The following LIMK2 variants were observed in gnomAD, a reference collection of about 807,000 sequenced individuals.
LIMK2 encodes the protein LIM domain kinase 2.
A neutral mutation model predicts 75.7 loss-of-function variants in LIMK2; 35 were observed. The ratio of observed to expected loss-of-function variants is 0.46; its 90% CI spans 0.35 to 0.61. LIMK2 has a LOEUF of 0.61. Among genes scored for constraint, LIMK2 ranks in the 20% least tolerant of loss-of-function variants. The probability of loss-of-function intolerance (pLI) is 0.00; values close to 1 mark genes in which losing one functional copy is unlikely to be tolerated. For missense variants in LIMK2, 623 were observed against 831.0 expected, an observed-to-expected ratio of 0.75 and a Z score of 3.08; for synonymous variants, 301 against 319.2, an observed-to-expected ratio of 0.94 and a Z score of 0.61.
Position 31,262,265 on chromosome 22 carries a change from G to C in LIMK2, c.657+26G>C, listed in dbSNP as rs1195351333. On this transcript the variant is annotated intron_variant, in intron 6 of 15. Transcript: ENST00000331728. This position sits in a 1 kb window ranked among gnomAD's most constrained non-coding sequence, Gnocchi z 5.0. Reference sequence around the variant, plus strand: ...GTAGAGTGTGTGTCTAATCTGTCTTGTGAGGGTGGGACATGGAACAGATCC... The same window carrying C: ...GTAGAGTGTGTGTCTAATCTGTCTTCTGAGGGTGGGACATGGAACAGATCC... The C allele has an allele frequency of 9.2e-6, 14 of 1,528,168 alleles. No homozygotes were observed. The highest frequency in any genetic ancestry group is 1.3e-5 in the Non-Finnish European group (14 of 1,101,508). The allele number at this position is 1,528,168 out of a possible 1,614,324, so 94.7% of individuals were successfully genotyped here. A position where few individuals can be genotyped will look rare whatever the true frequency, so the allele number is the denominator to read the frequency against.
chr22:31,244,186 T>TC (rs1705170040), intron 2 of LIMK2, among the ~76,000 whole-genome samples: 1 of 152,196 alleles, frequency 6.6e-6, no homozygotes, highest in African/African-American at 2.4e-5. Flanking sequence ...ACTGAGCCCG[T>TC]CGCCGCTGGA....
chr22:31,256,449 T>C (rs1438751675), intron 2 of LIMK2, among the ~76,000 whole-genome samples: 1 of 150,982 alleles, frequency 6.6e-6, no homozygotes, highest in Non-Finnish European at 1.5e-5. Context: ...CCAGTGATTC[T>C]CCTGCCTCAG....
intron 2 of LIMK2, among the ~76,000 whole-genome samples, chr22:31,236,270 G>A (rs941962743): frequency 6.7e-6 from 1 of 149,650 alleles, no homozygotes; most frequent in Non-Finnish European, 1.5e-5. Flanking sequence ...CTCCAGCCTG[G>A]GTGACAAGAG....
rs957589190 is a variant in LIMK2, at chr22:31,246,576, A to G, written c.117-11715A>G. 2.6e-5 allele frequency among the ~76,000 whole-genome samples: 4 copies of G among 152,014 alleles called. No homozygotes were observed. The East Asian group carries it at 5.8e-4, about 22-fold the overall frequency. ...GTGCCTTGACCTGTGCTCTAGAGCC[A>G]TATGTACCAGGTTTGAAACTCAGCC... On this transcript the variant is annotated intron_variant, in intron 2 of 15. Coordinates refer to ENST00000331728, the MANE Select transcript of LIMK2 (RefSeq NM_005569.4).
chr22:31,247,549 T>C (rs2048682472), intron 2 of LIMK2, among the ~76,000 whole-genome samples: 1 of 152,218 alleles, frequency 6.6e-6, no homozygotes, highest in Admixed American at 6.5e-5. Flanking sequence ...CCATCCTATT[T>C]GCAGAGAGCT....
intron 1 of LIMK2, chr22:31,222,921 G>C (rs1205004893): frequency 6.6e-6 from 1 of 152,006 alleles, no homozygotes; most frequent in Non-Finnish European, 1.5e-5. Flanking sequence ...TGAGGGAGAG[G>C]GGTGCTGTAA....
intron 2 of LIMK2, among the ~76,000 whole-genome samples, chr22:31,243,865 G>T (rs991843176): frequency 6.6e-6 from 1 of 152,216 alleles, no homozygotes; most frequent in African/African-American, 2.4e-5. Flanking sequence ...TGGGCCCTTT[G>T]AAGTTGGCTC....
intron 11 of LIMK2, among the ~76,000 whole-genome samples, chr22:31,269,805 T>C (rs1198772645): frequency 6.7e-6 from 1 of 149,616 alleles, no homozygotes; most frequent in Non-Finnish European, 1.5e-5. Flanking sequence ...CTGATATGGT[T>C]AGTACATTGG....
At chr22:31,221,484 A>G (rs2048433579) in intron 1 of LIMK2, among the ~76,000 whole-genome samples, 1 of 151,998 alleles carries the variant, frequency 6.6e-6, no homozygotes, top group Non-Finnish European at 1.5e-5. Context: ...ATAAATAATA[A>G]TAATAATTAT....
At chr22:31,242,641 T>G (rs1369064806) in intron 2 of LIMK2, among the ~76,000 whole-genome samples, 1 of 152,248 alleles carries the variant, frequency 6.6e-6, no homozygotes, top group Non-Finnish European at 1.5e-5. Flanking sequence ...ATTCCTAGTT[T>G]CAAGTTCATG....
rs370509629 is a variant in LIMK2 at position 31,267,113 on chromosome 22, G to A, written c.1128+43G>A. On this transcript the variant is annotated intron_variant, in intron 9 of 15. Transcript: ENST00000331728. ...GCCCGGGAGGTTGGTGTCACCATTG[G>A]AAGAGAGAAGACCTTACAAATAATG... is the stretch of plus-strand genomic sequence containing the variant. 66 of 1,078,524 alleles carry A rather than the reference G, an allele frequency of 6.1e-5. No homozygotes were observed. The African/African-American group carries it at 9.1e-4, about 15-fold the overall frequency. The allele number at this position is 1,078,524 out of a possible 1,614,324, so 66.8% of individuals were successfully genotyped here.
chr22:31,276,866 C>T, intron 15 of LIMK2: 2 of 1,612,374 alleles, frequency 1.2e-6, no homozygotes, highest in Non-Finnish European at 1.7e-6. Context: ...GGGAAGGTCA[C>T]CATCAAGTAT....
At chr22:31,244,836 A>C (rs1013789531) in intron 2 of LIMK2, among the ~76,000 whole-genome samples, 14 of 152,208 alleles carry the variant, frequency 9.2e-5, no homozygotes, top group Admixed American at 8.5e-4. Context: ...AAACCCAGAC[A>C]GTCTGGCTCT....
At chr22:31,275,957 T>C (rs761829169) in intron 15 of LIMK2, among the ~76,000 whole-genome samples, 2 of 152,148 alleles carry the variant, frequency 1.3e-5, no homozygotes, top group Non-Finnish European at 2.9e-5. Flanking sequence ...AGAATCTGGC[T>C]GGGCGCGATG....
At chr22:31,253,954 A>G (rs2048751550) in intron 2 of LIMK2, among the ~76,000 whole-genome samples, 1 of 152,236 alleles carries the variant, frequency 6.6e-6, no homozygotes. Context: ...TTCTGTGGCA[A>G]AACACAGCTT....
At chr22:31,274,320 G>A (rs2123866422) in intron 14 of LIMK2, among the ~76,000 whole-genome samples, 1 of 152,278 alleles carries the variant, frequency 6.6e-6, no homozygotes, top group African/African-American at 2.4e-5. Flanking sequence ...CACATTCAAA[G>A]CCTTCTGTAA....
intron 7 of LIMK2, among the ~76,000 whole-genome samples, chr22:31,263,676 C>T (rs758371510): frequency 1.1e-4 from 16 of 144,272 alleles, no homozygotes; most frequent in Admixed American, 2.0e-4. Flanking sequence ...ACTGTCTCTA[C>T]AAAAAAAAAA....
At chr22:31,221,673 C>G (rs2048435925) in intron 1 of LIMK2, among the ~76,000 whole-genome samples, 1 of 151,890 alleles carries the variant, frequency 6.6e-6, no homozygotes, top group Admixed American at 6.6e-5. Context: ...GTAGTAGAGA[C>G]AAGGTTTCAC....
intron 15 of LIMK2, among the ~76,000 whole-genome samples, chr22:31,277,945 T>C (rs532294893): frequency 1.3e-5 from 2 of 152,250 alleles, no homozygotes; most frequent in Admixed American, 1.3e-4. Context: ...AAGCCTGAGC[T>C]GTCTTAGGCT....
Sources: gnomAD v4.1 joint callset for allele counts (sites outside exome capture counted in the v4.1 genomes callset) on GRCh38, gnomAD v4.1.1 for gene constraint, Gnocchi (gnomAD v3.1) non-coding constraint, MANE v1.5 for transcripts, NCBI Gene and HGNC (gene_info 2026-07-23, HGNC 2026-07-21) for gene names.